The following RPGRIP1L variants were observed in gnomAD, a reference collection of about 807,000 sequenced individuals.
RPGRIP1L encodes RPGRIP1 like, also known as protein fantom.
A neutral mutation model predicts 160.4 loss-of-function variants in RPGRIP1L; 131 were observed. The observed-to-expected ratio is 0.82, with a 90% CI of 0.71 to 0.94. The LOEUF is 0.94. Ranked by LOEUF, RPGRIP1L falls within the 40% of genes least tolerant of loss-of-function variation. The probability of loss-of-function intolerance (pLI) is 0.00; values close to 1 mark genes in which losing one functional copy is unlikely to be tolerated. For synonymous variants in RPGRIP1L, 510 were observed against 515.8 expected (o/e 0.99, Z 0.15); for missense variants, 1,522 against 1,535.8 (o/e 0.99, Z 0.15).
chr16:53,663,870 A>G (rs1968020169), intron 10 of RPGRIP1L, among the ~76,000 whole-genome samples: 1 of 152,210 alleles, frequency 6.6e-6, no homozygotes, highest in Non-Finnish European at 1.5e-5. Context: ...GCCATCACTT[A>G]TAAGATGCAA....
At chr16:53,651,750 C>G (rs1431688520) in intron 15 of RPGRIP1L, among the ~76,000 whole-genome samples, 4 of 152,144 alleles carry the variant, frequency 2.6e-5, no homozygotes, top group Admixed American at 2.6e-4. Context: ...CTGTATTCCT[C>G]TCTAGAAGGT....
intron 15 of RPGRIP1L, among the ~76,000 whole-genome samples, chr16:53,649,807 T>C (rs556717257): frequency 1.3e-4 from 20 of 152,322 alleles, no homozygotes; most frequent in Admixed American, 2.6e-4. Context: ...CACTGACTTC[T>C]TTGGCCCGTC....
Position 53,657,606 on chromosome 16 carries a change from G to T in RPGRIP1L, c.1428C>A (p.Asp476Glu). Residue 476 changes from aspartate (D) to glutamate (E), a missense_variant, in exon 13 of 27, where the codon GAC (aspartate) becomes GAA (glutamate). Physicochemically the swap from Asp to Glu is conservative, Grantham distance 45. Coordinates refer to ENST00000647211, the MANE Select transcript of RPGRIP1L (RefSeq NM_015272.5). Reference protein sequence around the residue: ...IKAQKEQKNGDLSFLVKVDSE... With the variant: ...IKAQKEQKNGELSFLVKVDSE... ...TATCTACTTTCACTAAAAAGGAAAG[G>T]TCTCCATTTTTTTGTTCTTTTTGAG... 1 of 1,592,036 alleles carries T rather than the reference G, an allele frequency of 6.3e-7. No homozygotes were observed. Among genetic ancestry groups the T allele is most frequent in the Non-Finnish European group, 8.6e-7 (1 of 1,166,700 alleles).
At position 53,601,932 on chromosome 16, in the gene RPGRIP1L, C is replaced by G. The variant is rs1963395675; in HGVS notation, c.*144G>C. On this transcript the variant is annotated 3_prime_UTR_variant, in exon 27 of 27. Coordinates refer to ENST00000647211, the MANE Select transcript of RPGRIP1L (RefSeq NM_015272.5). The stretch of plus-strand genomic sequence containing the variant: ...ACAAATGAAAAAGTATACAAAACTT[C>G]AACACTTCAAACCCAGGTCTCCCCG... 1 of 667,376 alleles carries G rather than the reference C, an allele frequency of 1.5e-6. No individual in the cohort carries two copies. Among genetic ancestry groups the G allele is most frequent in the African/African-American group, 1.8e-5 (1 of 55,808 alleles). The allele number at this position is 667,376 out of a possible 1,614,324, so 41.3% of individuals were successfully genotyped here. A position where few individuals can be genotyped will look rare whatever the true frequency, so the allele number is the denominator to read the frequency against.
chr16:53,648,103 C>CA (rs781122239), intron 16 of RPGRIP1L, among the ~76,000 whole-genome samples: 4,952 of 37,832 alleles, frequency 0.13, 400 homozygotes, highest in East Asian at 0.39. Context: ...GACTCCGTCT[C>CA]AAAAAAAAAA....
chr16:53,614,314 C>T (rs1438189341), intron 24 of RPGRIP1L, among the ~76,000 whole-genome samples: 1 of 152,170 alleles, frequency 6.6e-6, no homozygotes, highest in Admixed American at 6.5e-5. Flanking sequence ...CTTTATCTAG[C>T]CCAGTGGTTC....
chr16:53,694,048 C>T (rs143698850), intron 3 of RPGRIP1L: 35 of 152,210 alleles, frequency 2.3e-4, no homozygotes, highest in African/African-American at 7.9e-4. Flanking sequence ...CTGTTTGTCT[C>T]GTAATAGCCA....
intron 4 of RPGRIP1L, among the ~76,000 whole-genome samples, chr16:53,689,811 C>G (rs1340021026): frequency 6.6e-6 from 1 of 152,198 alleles, no homozygotes; most frequent in Non-Finnish European, 1.5e-5. Context: ...TTCATCACTA[C>G]TTAATGCTTT....
Position 53,649,002 on chromosome 16 carries a change from T to C in RPGRIP1L, c.2266A>G (p.Ile756Val). The change falls in exon 16 of 27, where the codon ATA (isoleucine) becomes GTA (valine). Residue 756 changes from isoleucine to valine, a missense_variant. Ile to Val is a conservative substitution (Grantham distance 29). Coordinates refer to ENST00000647211, the MANE Select transcript of RPGRIP1L (RefSeq NM_015272.5). ...TCTGGCCCCTTAAAATTTGATGTTA[T>C]ATACCCCAAAGCCTTTGCCCTTTCT... ...YRERAKALGY[I>V]TSNFKGPEHM... 6.2e-7 allele frequency: 1 copy of C among 1,614,102 alleles called. No individual in the cohort carries two copies. The highest frequency in any genetic ancestry group is 8.5e-7 in the Non-Finnish European group (1 of 1,179,942).
chr16:53,636,619 C>A, intron 21 of RPGRIP1L, 107 bp from the exon 22 acceptor site: 2 of 744,174 alleles, frequency 2.7e-6, no homozygotes, highest in Non-Finnish European at 4.6e-6. Context: ...CCTTAAGAAA[C>A]ATGGTAATTA....
In RPGRIP1L at chr16:53,636,901, TGACA is replaced by T. The variant is rs914973495; in HGVS notation, c.3221-393_3221-390del. Among the ~76,000 whole-genome samples the T allele has an allele frequency of 8.0e-5, 12 of 150,100 alleles. No homozygotes were observed. In the South Asian group the frequency reaches 2.1e-3, roughly 26 times the overall value. On this transcript the variant is annotated intron_variant, in intron 21 of 26. Coordinates refer to ENST00000647211, the MANE Select transcript of RPGRIP1L (RefSeq NM_015272.5). ...TTTTATTGCTTTGTTGAAATAAAAC[TGACA>T]GACAATAAACTACACACAATTAAAC...
At chr16:53,700,870 G>T in intron 1 of RPGRIP1L, 140 bp from the exon 2 acceptor site, 1 of 708,368 alleles carries the variant, frequency 1.4e-6, no homozygotes, top group East Asian at 2.7e-5. Flanking sequence ...TGGAGAAGAT[G>T]AAAGCTTCTA....
rs1211499888 is a variant in RPGRIP1L, at chr16:53,641,484, T to C, written c.2684-9A>G. 4 of 1,607,870 alleles carry C rather than the reference T, an allele frequency of 2.5e-6. No homozygotes were observed. Among genetic ancestry groups the C allele is most frequent in the Non-Finnish European group, 3.4e-6 (4 of 1,174,534 alleles). ...TGTTAACTCAAATATTCCTGTCAAA[T>C]TACAATAATTTTAATTAATGCTAGA... On this transcript the variant is annotated splice_polypyrimidine_tract_variant and intron_variant, in intron 17 of 26. Transcript: ENST00000647211.
intron 11 of RPGRIP1L, 105 bp from the exon 12 acceptor site, chr16:53,658,569 A>T: frequency 1.0e-6 from 1 of 975,020 alleles, no homozygotes. Context: ...GACTGATGCC[A>T]TGAACTAACA....
At chr16:53,675,167 G>T in intron 6 of RPGRIP1L, 45 bp from the exon 7 acceptor site, 2 of 1,324,922 alleles carry the variant, frequency 1.5e-6, no homozygotes, top group Non-Finnish European at 2.2e-6. Flanking sequence ...AGTAAAAAAC[G>T]CAAGTTAGAA....
intron 6 of RPGRIP1L, among the ~76,000 whole-genome samples, chr16:53,684,716 A>G (rs1465008250): frequency 1.3e-5 from 2 of 152,036 alleles, no homozygotes; most frequent in African/African-American, 4.8e-5. Context: ...CGTTGTGCAC[A>G]TGTACCCTAA....
chr16:53,697,216 A>G (rs1454230208), intron 2 of RPGRIP1L, among the ~76,000 whole-genome samples: 10 of 152,124 alleles, frequency 6.6e-5, no homozygotes, highest in Admixed American at 5.9e-4. Context: ...AAAGAAAGAA[A>G]AAAGATGACT....
rs749041133 is a variant in RPGRIP1L at position 53,602,085 on chromosome 16, C to T, written c.3939G>A (p.Leu1313=). ...QSVYKQYRDD[L]EA ...TCTGGAGCATTTGCTTTCAAGCCTC[C>T]AAGTCATCTCTGTATTGCTTGTAGA... Residue 1313 remains leucine, a synonymous_variant, in exon 27 of 27, where the codon TTG becomes TTA. Transcript: ENST00000647211. 6 of 1,606,764 alleles carry T rather than the reference C, an allele frequency of 3.7e-6. No individual in the cohort carries two copies. The highest frequency in any genetic ancestry group is 4.3e-6 in the Non-Finnish European group (5 of 1,173,670).
intron 24 of RPGRIP1L, among the ~76,000 whole-genome samples, chr16:53,612,682 C>T (rs574159166): frequency 1.3e-5 from 2 of 151,858 alleles, no homozygotes; most frequent in East Asian, 1.9e-4. Context: ...TCCAATTAAA[C>T]CTAGACCAGA....
Sources: gnomAD v4.1 joint callset for allele counts (sites outside exome capture counted in the v4.1 genomes callset) on GRCh38, gnomAD v4.1.1 for gene constraint, MANE v1.5 for transcripts, NCBI Gene and HGNC (gene_info 2026-07-23, HGNC 2026-07-21) for gene names.